Variants in ALKBH5 observed in about 807,000 individuals in gnomAD.
ALKBH5 encodes the protein alkB homolog 5, RNA demethylase, also known as RNA demethylase ALKBH5.
A neutral mutation model predicts 32.1 loss-of-function variants in ALKBH5; 2 were observed. That is an observed-to-expected ratio of 0.06 (90% confidence interval 0.03 to 0.20). The LOEUF is 0.20. Ranked by LOEUF, ALKBH5 falls within the 10% of genes least tolerant of loss-of-function variation. The pLI is 1.00. For synonymous variants in ALKBH5, 300 were observed against 231.7 expected (o/e 1.29, Z -2.68); for missense variants, 352 against 559.5 (o/e 0.63, Z 3.74).
chr17:18,192,527 A>G (rs1001566209), intron 1 of ALKBH5, among the ~76,000 whole-genome samples: 5 of 152,224 alleles, frequency 3.3e-5, no homozygotes, highest in African/African-American at 1.2e-4. Flanking sequence ...CCAAGAACCT[A>G]CTGTTCTCCT....
Position 18,184,063 on chromosome 17 carries a change from G to C in ALKBH5, c.-181G>C. On this transcript the variant is annotated 5_prime_UTR_variant, in exon 1 of 4. Transcript: ENST00000399138. ...TGTCGCCACCGTTGCATGACCCGCC[G>C]CTCCTGAGGCCCTACCCCACGCCCG... is the stretch of plus-strand genomic sequence containing the variant. 1 of 683,052 alleles carries C rather than the reference G, an allele frequency of 1.5e-6. No homozygotes were observed. The highest frequency in any genetic ancestry group is 1.5e-5 in the South Asian group (1 of 64,814). 42.3% of individuals were successfully genotyped at this position (683,052 alleles called of 1,614,324 possible). A position where few individuals can be genotyped will look rare whatever the true frequency, so the allele number is the denominator to read the frequency against.
At chr17:18,200,637 T>C (rs2047231069) in intron 2 of ALKBH5, among the ~76,000 whole-genome samples, 1 of 152,104 alleles carries the variant, frequency 6.6e-6, no homozygotes, top group South Asian at 2.1e-4. Context: ...TTTTGTCCTT[T>C]GGGAAAAGGC....
intron 2 of ALKBH5, among the ~76,000 whole-genome samples, chr17:18,199,694 T>C (rs1432310988): frequency 6.6e-6 from 1 of 152,164 alleles, no homozygotes; most frequent in East Asian, 1.9e-4. Flanking sequence ...GGAAATTTAG[T>C]GCCCCCTTGG....
At chr17:18,201,533 G>A (rs1054645121) in intron 2 of ALKBH5, among the ~76,000 whole-genome samples, 5 of 152,158 alleles carry the variant, frequency 3.3e-5, no homozygotes, top group Non-Finnish European at 7.3e-5. Context: ...CGAGGTGGGC[G>A]GATTGCCTGA....
At chr17:18,200,024 G>A (rs1398956992) in intron 2 of ALKBH5, among the ~76,000 whole-genome samples, 4 of 151,332 alleles carry the variant, frequency 2.6e-5, no homozygotes, top group Admixed American at 6.6e-5. Context: ...TTGAACCTGG[G>A]AGGCGGAGGT....
At chr17:18,185,150 C>T (rs1022291692) in intron 1 of ALKBH5, 137 bp downstream of exon 1, 73 of 1,419,196 alleles carry the variant, frequency 5.1e-5, no homozygotes, top group Non-Finnish European at 6.7e-5. Context: ...TTGTAGGGAG[C>T]GAGAGAAGGG....
intron 2 of ALKBH5, among the ~76,000 whole-genome samples, chr17:18,196,867 C>T (rs1023185148): frequency 6.6e-6 from 1 of 152,108 alleles, no homozygotes; most frequent in Non-Finnish European, 1.5e-5. Context: ...GTCTACTCTC[C>T]TTCATTTATT....
chr17:18,204,935 A>T (rs1399327277), intron 2 of ALKBH5, among the ~76,000 whole-genome samples: 1 of 151,670 alleles, frequency 6.6e-6, no homozygotes, highest in African/African-American at 2.4e-5. Flanking sequence ...GCCCAGTCCT[A>T]GCTTCTTGGG....
At chr17:18,201,283 G>T (rs922493518) in intron 2 of ALKBH5, among the ~76,000 whole-genome samples, 1 of 152,166 alleles carries the variant, frequency 6.6e-6, no homozygotes, top group Non-Finnish European at 1.5e-5. Context: ...TGCCCTTTTG[G>T]CAGCCTGACT....
chr17:18,203,101 T>C (rs1199710330), intron 2 of ALKBH5, among the ~76,000 whole-genome samples: 2 of 148,588 alleles, frequency 1.3e-5, no homozygotes, highest in Non-Finnish European at 3.0e-5. Flanking sequence ...AGAGTTTAAA[T>C]AGGGACAAGG....
At chr17:18,199,081 T>C (rs1597840050) in intron 2 of ALKBH5, among the ~76,000 whole-genome samples, 1 of 152,196 alleles carries the variant, frequency 6.6e-6, no homozygotes, top group Admixed American at 6.5e-5. Flanking sequence ...CTTTCTTGCC[T>C]CTGCTGTGCA....
chr17:18,189,770 C>T (rs575823610), intron 1 of ALKBH5, among the ~76,000 whole-genome samples: 1 of 152,306 alleles, frequency 6.6e-6, no homozygotes, highest in East Asian at 1.9e-4. Flanking sequence ...GAATCTTTGT[C>T]ATCTATTGAA....
Position 18,206,938 on chromosome 17 carries a change from C to T in ALKBH5, c.975C>T (p.Ser325=). Residue 325 remains serine, a synonymous_variant, in exon 3 of 4, where the codon TCC becomes TCT. Coordinates refer to ENST00000399138, the MANE Select transcript of ALKBH5 (RefSeq NM_017758.4). The part of the protein sequence containing the change: ...NRDPALKPKR[S]HRKADPDAAH... ...ACCCTGCTCTGAAACCCAAGCGGTC[C>T]CACCGCAAGGCAGACCCTGATGCTG... is the stretch of plus-strand genomic sequence containing the variant. 30 of 1,614,236 alleles carry T rather than the reference C, an allele frequency of 1.9e-5. No individual in the cohort carries two copies. The highest frequency in any genetic ancestry group is 2.5e-5 in the Non-Finnish European group (30 of 1,180,046).
chr17:18,190,265 C>T (rs2047165559), intron 1 of ALKBH5, among the ~76,000 whole-genome samples: 1 of 152,088 alleles, frequency 6.6e-6, no homozygotes, highest in Non-Finnish European at 1.5e-5. Context: ...AAGAATTTTT[C>T]AGGGCCAGGT....
chr17:18,196,159 CAGACTCCTCTT>C (rs1037812179), intron 2 of ALKBH5, among the ~76,000 whole-genome samples: 3 of 151,978 alleles, frequency 2.0e-5, no homozygotes, highest in African/African-American at 7.2e-5. Context: ...CATATCAACT[CAGACTCCTCTT>C]AGACTCCTCT....
chr17:18,196,450 A>T (rs938955864), intron 2 of ALKBH5, among the ~76,000 whole-genome samples: 5 of 152,000 alleles, frequency 3.3e-5, no homozygotes, highest in Admixed American at 6.6e-5. Flanking sequence ...CTAACTTCCA[A>T]CCTCAAGTGG....
chr17:18,184,356 T>TAGCCGCCGC lies in ALKBH5; in HGVS notation c.120_128dup (p.Ala46_Ala48dup), dbSNP rs754503234. ...GCCGCCGCCGCTGCCGCAGCCGCCG[T>TAGCCGCCGC]AGCCGCCGCAGCCGCAGCCGCCGCT... On this transcript the variant is annotated inframe_insertion, in exon 1 of 4. Coordinates refer to ENST00000399138, the MANE Select transcript of ALKBH5 (RefSeq NM_017758.4). The TAGCCGCCGC allele has an allele frequency of 1.5e-5, 23 of 1,517,810 alleles. No homozygotes were observed. The highest frequency in any genetic ancestry group is 4.3e-5 in the African/African-American group (3 of 69,954). 94.0% of individuals were successfully genotyped at this position (1,517,810 alleles called of 1,614,324 possible).
chr17:18,205,403 T>A (rs1229707312), intron 2 of ALKBH5, among the ~76,000 whole-genome samples: 1 of 152,178 alleles, frequency 6.6e-6, no homozygotes, highest in Non-Finnish European at 1.5e-5. Context: ...GGCATCCCCC[T>A]CTGCAAGGCC....
chr17:18,198,899 A>G (rs2047219929), intron 2 of ALKBH5, among the ~76,000 whole-genome samples: 1 of 152,074 alleles, frequency 6.6e-6, no homozygotes, highest in East Asian at 1.9e-4. Context: ...TTGGTGTTAT[A>G]ATGTTTGGGG....
Sources: gnomAD v4.1 joint callset for allele counts (sites outside exome capture counted in the v4.1 genomes callset) on GRCh38, gnomAD v4.1.1 for gene constraint, MANE v1.5 for transcripts, NCBI Gene and HGNC (gene_info 2026-07-23, HGNC 2026-07-21) for gene names.